CSMD1: variants seen among roughly 807,000 people sequenced by gnomAD.
The protein encoded by CSMD1 is CUB and sushi domain-containing protein 1.
A neutral mutation model predicts 417.5 loss-of-function variants in CSMD1; 213 were observed. The observed-to-expected ratio is 0.51, with a 90% CI of 0.46 to 0.57. CSMD1 has a LOEUF of 0.57. Ranked by LOEUF, CSMD1 falls within the 20% of genes least tolerant of loss-of-function variation. CSMD1 has a pLI of 0.00. For synonymous variants in CSMD1, 2,862 were observed against 1,736.8 expected (o/e 1.65, Z -16.11); for missense variants, 6,923 against 4,529.7 (o/e 1.53, Z -15.17).
At chr8:4,846,063 T>C (rs1241293270) in intron 1 of CSMD1, among the ~76,000 whole-genome samples, 1 of 152,200 alleles carries the variant, frequency 6.6e-6, no homozygotes, top group Non-Finnish European at 1.5e-5. Context: ...TCCCGGTTTG[T>C]TGTGCTACGT....
chr8:3,948,199 G>C (rs139936255), intron 5 of CSMD1, among the ~76,000 whole-genome samples: 2 of 152,104 alleles, frequency 1.3e-5, no homozygotes, highest in South Asian at 4.2e-4. Context: ...CCAAGACTCC[G>C]TCTAAATAAT....
At chr8:4,598,607 T>G (rs1019745022) in intron 2 of CSMD1, among the ~76,000 whole-genome samples, 1 of 152,216 alleles carries the variant, frequency 6.6e-6, no homozygotes, top group Non-Finnish European at 1.5e-5. Flanking sequence ...ATACATTTGT[T>G]TCTATATTAA....
chr8:4,880,488 C>G (rs1331420559), intron 1 of CSMD1, among the ~76,000 whole-genome samples: 6 of 152,038 alleles, frequency 3.9e-5, no homozygotes, highest in Non-Finnish European at 8.8e-5. Context: ...TTGTGTAGCC[C>G]ATGAATTCTG....
intron 1 of CSMD1, among the ~76,000 whole-genome samples, chr8:4,731,027 G>T (rs553798353): frequency 1.3e-5 from 2 of 152,136 alleles, no homozygotes; most frequent in Non-Finnish European, 2.9e-5. Flanking sequence ...GGCCCAAGAC[G>T]CTAACGAATG....
At chr8:3,186,668 A>G (rs1313714728) in intron 36 of CSMD1, among the ~76,000 whole-genome samples, 2 of 152,226 alleles carry the variant, frequency 1.3e-5, no homozygotes, top group African/African-American at 4.8e-5. Context: ...GGGAAAAAAT[A>G]TCCACAGTTA....
chr8:4,658,795 C>T (rs772255985), intron 1 of CSMD1, among the ~76,000 whole-genome samples: 6 of 152,122 alleles, frequency 3.9e-5, no homozygotes, highest in African/African-American at 1.2e-4. Flanking sequence ...AATCACCACA[C>T]ATCTGGGTTA....
intron 25 of CSMD1, among the ~76,000 whole-genome samples, chr8:3,301,969 C>G (rs899334675): frequency 2.6e-5 from 4 of 151,972 alleles, no homozygotes; most frequent in African/African-American, 7.3e-5. Context: ...CTAAAGAAAT[C>G]TCATATAATT....
intron 1 of CSMD1, among the ~76,000 whole-genome samples, chr8:4,783,068 C>G (rs1223401473): frequency 1.3e-5 from 2 of 152,046 alleles, no homozygotes; most frequent in East Asian, 1.9e-4. Context: ...TCATAAACTT[C>G]AATAAATGAT....
intron 46 of CSMD1, among the ~76,000 whole-genome samples, chr8:3,098,956 C>G (rs12544685): frequency 6.6e-6 from 1 of 151,304 alleles, no homozygotes; most frequent in Non-Finnish European, 1.5e-5. Context: ...GATGATTACA[C>G]CACATGCCTA....
chr8:4,861,437 A>C (rs187517306), intron 1 of CSMD1, among the ~76,000 whole-genome samples: 109 of 152,228 alleles, frequency 7.2e-4, no homozygotes, highest in Non-Finnish European at 1.2e-3. Flanking sequence ...AAGCGACCAG[A>C]GTTCTTGGAA....
chr8:4,401,687 C>G (rs1430762577), intron 3 of CSMD1, among the ~76,000 whole-genome samples: 2 of 152,086 alleles, frequency 1.3e-5, no homozygotes, highest in East Asian at 1.9e-4. Flanking sequence ...ACCGGAAAAA[C>G]TCACCTCCCA....
chr8:4,072,466 C>T (rs1234224800), intron 3 of CSMD1, among the ~76,000 whole-genome samples: 5 of 152,204 alleles, frequency 3.3e-5, no homozygotes, highest in Admixed American at 2.0e-4. Context: ...TTTATTATTT[C>T]GCACTTGTAG....
At chr8:3,064,850 C>A (rs573817490) in intron 49 of CSMD1, among the ~76,000 whole-genome samples, 1 of 152,140 alleles carries the variant, frequency 6.6e-6, no homozygotes, top group African/African-American at 2.4e-5. Context: ...GCATTAAAGA[C>A]AAGTTAGGGG....
At chr8:3,891,672 G>C (rs991902074) in intron 5 of CSMD1, among the ~76,000 whole-genome samples, 2 of 137,676 alleles carry the variant, frequency 1.5e-5, no homozygotes, top group African/African-American at 5.0e-5. Context: ...GACAAAGCAA[G>C]ACCTTGTCTC....
intron 3 of CSMD1, among the ~76,000 whole-genome samples, chr8:4,148,214 T>C (rs1796375577): frequency 6.6e-6 from 1 of 152,016 alleles, no homozygotes; most frequent in African/African-American, 2.4e-5. Flanking sequence ...TATAAGTTGC[T>C]ATAGACTGGG....
chr8:4,810,634 T>A (rs1585137456), intron 1 of CSMD1, among the ~76,000 whole-genome samples: 2 of 152,228 alleles, frequency 1.3e-5, no homozygotes, highest in African/African-American at 2.4e-5. Flanking sequence ...AATATGCAGA[T>A]AATATGATTT....
intron 46 of CSMD1, among the ~76,000 whole-genome samples, chr8:3,101,647 G>C (rs984245685): frequency 2.0e-5 from 3 of 151,778 alleles, no homozygotes; most frequent in African/African-American, 4.8e-5. Context: ...GGATGGTCTC[G>C]ATCTCCTGAC....
chr8:4,990,498 G>C (rs1306031002), intron 1 of CSMD1, among the ~76,000 whole-genome samples: 2 of 152,040 alleles, frequency 1.3e-5, no homozygotes, highest in Non-Finnish European at 2.9e-5. Flanking sequence ...TGAATAGCTG[G>C]GATTACAGGC....
At chr8:3,122,009 T>C (rs1371272660) in intron 41 of CSMD1, among the ~76,000 whole-genome samples, 1 of 152,126 alleles carries the variant, frequency 6.6e-6, no homozygotes, top group African/African-American at 2.4e-5. Flanking sequence ...ATTGCGGTTT[T>C]TGCCATTACT....
Sources: allele counts gnomAD v4.1 joint callset (sites outside exome capture counted in the v4.1 genomes callset), GRCh38; gene constraint gnomAD v4.1.1; transcripts MANE v1.5; gene names NCBI Gene and HGNC (gene_info 2026-07-23, HGNC 2026-07-21).